The following ZNF385C variants were observed in gnomAD, a reference collection of about 807,000 sequenced individuals.
ZNF385C encodes the protein CTD-2132N18.2.
Under a neutral mutation model 35.4 loss-of-function variants are expected in ZNF385C, and 28 were observed. The observed-to-expected ratio is 0.79, with a 90% CI of 0.59 to 1.08. The LOEUF (loss-of-function observed/expected upper bound fraction) is 1.08. ZNF385C is among the 50% of genes least tolerant of loss of function. ZNF385C has a pLI of 0.00. For synonymous variants in ZNF385C, 248 were observed against 248.2 expected, an observed-to-expected ratio of 1.00 and a Z score of 0.01; for missense variants, 605 against 595.6, an observed-to-expected ratio of 1.02 and a Z score of -0.16.
chr17:42,038,127 C>T (rs781952526), intron 2 of ZNF385C: 46 of 1,492,316 alleles, frequency 3.1e-5, no homozygotes, highest in Non-Finnish European at 4.1e-5. Context: ...GGATGACCCT[C>T]CTGCCCCTAC....
chr17:42,069,864 G>A (rs1219501500), intron 1 of ZNF385C, among the ~76,000 whole-genome samples: 1 of 152,050 alleles, frequency 6.6e-6, no homozygotes, highest in Non-Finnish European at 1.5e-5. Context: ...CCAACATGGT[G>A]AAACCCCGTC....
chr17:42,041,165 T>A, intron 2 of ZNF385C: 1 of 1,232,238 alleles, frequency 8.1e-7, no homozygotes. Flanking sequence ...CAGGCCTCTG[T>A]GTGCAAGACA....
At chr17:42,037,693 C>T (rs2052891797) in intron 3 of ZNF385C, 44 bp downstream of exon 3, 3 of 1,467,764 alleles carry the variant, frequency 2.0e-6, no homozygotes, top group Non-Finnish European at 2.7e-6. Context: ...TGTGCCCACC[C>T]ACAAGCTTGT....
chr17:42,042,890 G>T, intron 2 of ZNF385C: 1 of 1,232,376 alleles, frequency 8.1e-7, no homozygotes, highest in Non-Finnish European at 1.0e-6. Context: ...GTGCCCAGCA[G>T]TGCCTGGCAC....
intron 1 of ZNF385C, among the ~76,000 whole-genome samples, chr17:42,091,252 C>T (rs1316660765): frequency 3.3e-5 from 5 of 152,102 alleles, no homozygotes; most frequent in African/African-American, 1.2e-4. Context: ...ATCTGGGCAA[C>T]AGAGGGAGAC....
chr17:42,056,866 G>A (rs1205608570), intron 2 of ZNF385C, among the ~76,000 whole-genome samples: 1 of 152,120 alleles, frequency 6.6e-6, no homozygotes, highest in East Asian at 1.9e-4. Context: ...ATGTGGAACT[G>A]TGAATCCATT....
intron 3 of ZNF385C, among the ~76,000 whole-genome samples, chr17:42,036,964 G>A (rs1406836296): frequency 6.6e-6 from 1 of 152,124 alleles, no homozygotes; most frequent in Non-Finnish European, 1.5e-5. Flanking sequence ...AAACAGAGAT[G>A]GTTGCTGATC....
At chr17:42,040,628 G>A in intron 2 of ZNF385C, 1 of 1,232,374 alleles carries the variant, frequency 8.1e-7, no homozygotes. Flanking sequence ...ACCAGGCCAG[G>A]CCAGGCCTCG....
At chr17:42,047,628 A>G (rs1194824433) in intron 2 of ZNF385C, among the ~76,000 whole-genome samples, 1 of 151,812 alleles carries the variant, frequency 6.6e-6, no homozygotes, top group Non-Finnish European at 1.5e-5. Context: ...TGCCAGATGC[A>G]ATCGTAACTT....
At chr17:42,047,757 G>T (rs373432437) in intron 2 of ZNF385C, among the ~76,000 whole-genome samples, 1 of 151,436 alleles carries the variant, frequency 6.6e-6, no homozygotes, top group African/African-American at 2.4e-5. Flanking sequence ...GGGTTCAAGC[G>T]ATTCTCCTGC....
intron 2 of ZNF385C, among the ~76,000 whole-genome samples, chr17:42,054,227 C>G (rs1176743039): frequency 4.6e-5 from 7 of 152,242 alleles, no homozygotes; most frequent in Admixed American, 3.3e-4. Flanking sequence ...GTTGGAAGGA[C>G]TGACTTTGTC....
intron 1 of ZNF385C, among the ~76,000 whole-genome samples, chr17:42,086,828 CTTTTT>C (rs531764608): frequency 7.6e-6 from 1 of 132,374 alleles, no homozygotes; most frequent in Non-Finnish European, 1.6e-5. Context: ...CAGTTTAATA[CTTTTT>C]TTTTTTTTTT....
chr17:42,098,212 C>T (rs2053936871), intron 1 of ZNF385C, among the ~76,000 whole-genome samples, 198 bp downstream of exon 1: 1 of 152,244 alleles, frequency 6.6e-6, no homozygotes, highest in South Asian at 2.1e-4. Context: ...AGCCAGGACC[C>T]TCTAACTGCC....
chr17:42,040,170 G>A (rs2052979923), intron 2 of ZNF385C: 2 of 1,231,590 alleles, frequency 1.6e-6, no homozygotes, highest in South Asian at 4.1e-5. Context: ...GTCGGGGGTC[G>A]AAGATCGCTG....
chr17:42,068,383 C>T (rs553836708), intron 1 of ZNF385C, among the ~76,000 whole-genome samples: 61 of 152,342 alleles, frequency 4.0e-4, no homozygotes, highest in Non-Finnish European at 7.9e-4. Flanking sequence ...AAAGACGATG[C>T]ATGAGCTGAT....
At position 42,066,767 on chromosome 17, in the gene ZNF385C, C is replaced by T. The variant is rs533530761; in HGVS notation, c.-2-3709G>A. On this transcript the variant is annotated intron_variant, in intron 1 of 8. Coordinates refer to ENST00000692273, the MANE Select transcript of ZNF385C (RefSeq NM_001392013.1). ...GTAATCCAATATACATGACTGGTGT[C>T]CTTATGAAAAGGTGAAATTGACTGG... 3.9e-5 allele frequency among the ~76,000 whole-genome samples: 6 copies of T among 152,136 alleles called. 1 individual carries two copies. The East Asian group carries it at 1.2e-3, about 29-fold the overall frequency.
intron 1 of ZNF385C, among the ~76,000 whole-genome samples, chr17:42,089,527 A>T (rs978212065): frequency 3.6e-4 from 54 of 152,068 alleles, no homozygotes; most frequent in African/African-American, 1.3e-3. Flanking sequence ...TATAAATACA[A>T]CTCTCCACCT....
intron 1 of ZNF385C, chr17:42,065,180 G>A (rs1403228896): frequency 6.6e-6 from 1 of 152,166 alleles, no homozygotes; most frequent in Non-Finnish European, 1.5e-5. Context: ...TATAAGAAGA[G>A]GAAATTTAGA....
chr17:42,047,787 G>T (rs1372034599), intron 2 of ZNF385C, among the ~76,000 whole-genome samples: 1 of 151,812 alleles, frequency 6.6e-6, no homozygotes, highest in Non-Finnish European at 1.5e-5. Flanking sequence ...CTGAGTAGCT[G>T]GGATTACAGG....
Sources: gnomAD v4.1 joint callset for allele counts (sites outside exome capture counted in the v4.1 genomes callset) on GRCh38, gnomAD v4.1.1 for gene constraint, MANE v1.5 for transcripts, NCBI Gene and HGNC (gene_info 2026-07-23, HGNC 2026-07-21) for gene names.